Variants in UPK1B observed in about 807,000 individuals in gnomAD.
UPK1B encodes the protein uroplakin 1B.
In UPK1B, 28 loss-of-function variants were observed where a neutral mutation model predicts 34.2. The observed-to-expected ratio is 0.82, with a 90% CI of 0.61 to 1.12. UPK1B has a LOEUF of 1.12. Ranked by LOEUF, UPK1B falls within the 50% of genes most tolerant of loss-of-function variation. UPK1B has a pLI of 0.00. For missense variants in UPK1B, 325 were observed against 320.9 expected, an observed-to-expected ratio of 1.01 and a Z score of -0.10; for synonymous variants, 81 against 110.4, an observed-to-expected ratio of 0.73 and a Z score of 1.67.
chr3:119,199,822 C>T (rs1359264059), intron 7 of UPK1B, among the ~76,000 whole-genome samples: 1 of 152,178 alleles, frequency 6.6e-6, no homozygotes, highest in Non-Finnish European at 1.5e-5. Context: ...ATTTCAGAAC[C>T]CCTTTACACT....
chr3:119,191,883 C>T (rs2078046639), intron 5 of UPK1B, among the ~76,000 whole-genome samples: 1 of 152,188 alleles, frequency 6.6e-6, no homozygotes, highest in Admixed American at 6.5e-5. Context: ...TTACCAGCCT[C>T]CCTACCCTCA....
At chr3:119,186,612 G>T (rs2078020478) in intron 1 of UPK1B, 102 bp from the exon 2 acceptor site, 2 of 786,296 alleles carry the variant, frequency 2.5e-6, no homozygotes, top group East Asian at 5.2e-5. Flanking sequence ...AAGATTATAT[G>T]GCTTTGGTTT....
intron 1 of UPK1B, among the ~76,000 whole-genome samples, chr3:119,179,805 CTTTTTTTTTTTTTTT>C (rs869040325): frequency 4.0e-5 from 2 of 50,556 alleles, no homozygotes; most frequent in African/African-American, 1.7e-4. Flanking sequence ...CCACGCCCGG[CTTTTTTTTTTTTTTT>C]TTTTTTTTTT....
intron 7 of UPK1B, among the ~76,000 whole-genome samples, chr3:119,199,971 A>C (rs1344848834): frequency 6.6e-6 from 1 of 152,232 alleles, no homozygotes; most frequent in Non-Finnish European, 1.5e-5. Flanking sequence ...TTATCACAAC[A>C]CATTTTTGTG....
intron 3 of UPK1B, among the ~76,000 whole-genome samples, 182 bp downstream of exon 3, chr3:119,188,157 T>C (rs749894999): frequency 5.3e-5 from 8 of 152,090 alleles, no homozygotes; most frequent in South Asian, 2.1e-4. Context: ...CCCTCCACTA[T>C]TGCAAGCCCA....
chr3:119,190,330 C>T lies in UPK1B; in HGVS notation c.345+11C>T, dbSNP rs781756860. ...ACACAACAAGACTTTGTGAGTACAACCTCAAAAAGCAAAATAATATGAATT... is the reference window on the plus strand; with the variant it reads ...ACACAACAAGACTTTGTGAGTACAATCTCAAAAAGCAAAATAATATGAATT... On this transcript the variant is annotated intron_variant, in intron 4 of 7. Transcript: ENST00000264234. 6.3e-7 allele frequency: 1 copy of T among 1,592,728 alleles called. No homozygotes were observed. Among genetic ancestry groups the T allele is most frequent in the Non-Finnish European group, 8.6e-7 (1 of 1,162,044 alleles).
At chr3:119,179,352 G>GATAGAT (rs2077974672) in intron 1 of UPK1B, among the ~76,000 whole-genome samples, 2 of 46,900 alleles carry the variant, frequency 4.3e-5, no homozygotes, top group Non-Finnish European at 4.9e-5. Flanking sequence ...GAGAGAGGGA[G>GATAGAT]ATATATATAT....
chr3:119,190,621 T>C (rs2078039550), intron 4 of UPK1B, among the ~76,000 whole-genome samples: 1 of 152,240 alleles, frequency 6.6e-6, no homozygotes, highest in Non-Finnish European at 1.5e-5. Flanking sequence ...TAATCCCCTG[T>C]GGGTTTCACC....
intron 1 of UPK1B, 67 bp downstream of exon 1, chr3:119,173,705 G>C (rs1334754719): frequency 7.9e-5 from 12 of 152,246 alleles, no homozygotes; most frequent in Admixed American, 2.0e-4. Flanking sequence ...TCTCCTGGGA[G>C]GGAAGCTAGC....
chr3:119,203,556 G>A (rs55651430), intron 7 of UPK1B, among the ~76,000 whole-genome samples: 42,349 of 151,760 alleles, frequency 0.28, 6,075 homozygotes, highest in Middle Eastern at 0.39. Flanking sequence ...GGAACAGGAA[G>A]CCAGACACTG....
chr3:119,179,527 T>TTTTTTTTTTTTTTTTTG (rs1553741698), intron 1 of UPK1B, among the ~76,000 whole-genome samples: 1 of 131,568 alleles, frequency 7.6e-6, no homozygotes. Context: ...TTTTTTTTTT[T>TTTTTTTTTTTTTTTTTG]GAGACGGAGT....
At chr3:119,190,386 C>T (rs1406693860) in intron 4 of UPK1B, 67 bp downstream of exon 4, 4 of 1,241,490 alleles carry the variant, frequency 3.2e-6, no homozygotes, top group Non-Finnish European at 4.7e-6. Context: ...CATGTATTAA[C>T]CCCTTACTAT....
At chr3:119,192,589 C>G (rs931765381) in intron 5 of UPK1B, among the ~76,000 whole-genome samples, 1 of 152,118 alleles carries the variant, frequency 6.6e-6, no homozygotes, top group Admixed American at 6.6e-5. Context: ...GTTGATGACC[C>G]GACCTCATAT....
intron 6 of UPK1B, among the ~76,000 whole-genome samples, chr3:119,198,803 A>G (rs1477212937): frequency 1.3e-5 from 2 of 152,240 alleles, no homozygotes; most frequent in African/African-American, 2.4e-5. Context: ...CTAAAATAGC[A>G]GTACTTTTTA....
At chr3:119,176,832 T>C (rs1027871948) in intron 1 of UPK1B, among the ~76,000 whole-genome samples, 2 of 152,132 alleles carry the variant, frequency 1.3e-5, no homozygotes, top group Non-Finnish European at 2.9e-5. Context: ...AGACCACATA[T>C]CTAAAACAGT....
chr3:119,186,848 C>T, intron 2 of UPK1B, 38 bp downstream of exon 2: 1 of 1,590,018 alleles, frequency 6.3e-7, no homozygotes, highest in Non-Finnish European at 8.6e-7. Flanking sequence ...TCTGCACTTC[C>T]TGTAATCATA....
Position 119,187,715 on chromosome 3 carries a change from C to A in UPK1B, c.70-60C>A. On this transcript the variant is annotated intron_variant, in intron 2 of 7. Transcript: ENST00000264234. ...AGCCAGTCACTCTTACCTTCCCCAC[C>A]CTCCACCCCCTTTCCCAAAGCTGCA... is the stretch of plus-strand genomic sequence containing the variant. The A allele has an allele frequency of 1.3e-6, 2 of 1,538,550 alleles. 1 individual carries two copies. Among genetic ancestry groups the A allele is most frequent in the Non-Finnish European group, 1.8e-6 (2 of 1,113,484 alleles).
chr3:119,179,376 T>TAG lies in UPK1B; in HGVS notation c.-29+5739_-29+5740insGA, dbSNP rs1291458968. Among the ~76,000 whole-genome samples, 58 of 67,228 alleles carry TAG rather than the reference T, an allele frequency of 8.6e-4. 2 individuals carry two copies. The highest frequency in any genetic ancestry group is 2.4e-3 in the African/African-American group (56 of 23,072). The allele number at this position is 67,228 out of a possible 152,430, so 44.1% of individuals were successfully genotyped here. ...AGATATATATATATATATATATATA[T>TAG]ATATATATATATATATATATATTAA... On this transcript the variant is annotated intron_variant, in intron 1 of 7. Transcript: ENST00000264234.
intron 1 of UPK1B, among the ~76,000 whole-genome samples, chr3:119,174,097 A>G (rs1442236365): frequency 2.6e-5 from 4 of 152,220 alleles, no homozygotes; most frequent in South Asian, 2.1e-4. Flanking sequence ...AGGCTAGCAG[A>G]GAGAAAGTTT....
Sources: allele counts gnomAD v4.1 joint callset (sites outside exome capture counted in the v4.1 genomes callset), GRCh38; gene constraint gnomAD v4.1.1; transcripts MANE v1.5; gene names NCBI Gene and HGNC (gene_info 2026-07-23, HGNC 2026-07-21).